The following CSMD1 variants were observed in gnomAD, a reference collection of about 807,000 sequenced individuals.
The protein encoded by CSMD1 is CUB and sushi domain-containing protein 1.
CSMD1 carries 213 observed loss-of-function variants against 417.5 expected under a neutral mutation model. The observed-to-expected ratio is 0.51, with a 90% CI of 0.46 to 0.57. The LOEUF is 0.57. Among genes scored for constraint, CSMD1 ranks in the 20% least tolerant of loss-of-function variants. The pLI, the probability that CSMD1 is intolerant of heterozygous loss-of-function variation, is 0.00. For missense variants in CSMD1, 6,923 were observed against 4,529.7 expected, an observed-to-expected ratio of 1.53 and a Z score of -15.17; for synonymous variants, 2,862 against 1,736.8, an observed-to-expected ratio of 1.65 and a Z score of -16.11.
At chr8:3,569,490 G>C (rs953431224) in intron 10 of CSMD1, among the ~76,000 whole-genome samples, 1 of 152,116 alleles carries the variant, frequency 6.6e-6, no homozygotes, top group Non-Finnish European at 1.5e-5. Flanking sequence ...GAGAATTGGC[G>C]TCGGAAACTG....
At position 3,934,466 on chromosome 8, in the gene CSMD1, G is replaced by C. The variant is rs1810352263; in HGVS notation, c.818+63437C>G. Reference sequence around the variant, plus strand: ...CTCATAATTTTCAAAGTAAATGAATGTCTTTTTTTCTGAAGTATTTTTAAT... The same window carrying C: ...CTCATAATTTTCAAAGTAAATGAATCTCTTTTTTTCTGAAGTATTTTTAAT... On this transcript the variant is annotated intron_variant, in intron 5 of 69. Coordinates refer to ENST00000635120, the MANE Select transcript of CSMD1 (RefSeq NM_033225.6). Among the ~76,000 whole-genome samples, 3 of 152,214 alleles carry C rather than the reference G, an allele frequency of 2.0e-5. No homozygotes were observed. In the South Asian group the frequency reaches 6.2e-4, roughly 32 times the overall value.
intron 1 of CSMD1, among the ~76,000 whole-genome samples, chr8:4,874,342 A>G (rs966766865): frequency 6.6e-6 from 1 of 151,916 alleles, no homozygotes; most frequent in Admixed American, 6.6e-5. Flanking sequence ...ATTAATACAT[A>G]AATGAAAAGA....
intron 1 of CSMD1, among the ~76,000 whole-genome samples, chr8:4,880,644 G>T (rs993181915): frequency 1.3e-5 from 2 of 151,974 alleles, no homozygotes; most frequent in African/African-American, 2.4e-5. Flanking sequence ...GAAGCGTCCC[G>T]ATGAAGCAAT....
intron 3 of CSMD1, among the ~76,000 whole-genome samples, chr8:4,108,321 T>C (rs563824560): frequency 3.1e-4 from 47 of 152,232 alleles, no homozygotes; most frequent in Middle Eastern, 3.4e-3. Context: ...ATTGTAAAAA[T>C]TGGGTGTTGT....
chr8:4,472,874 A>G (rs1800613952), intron 2 of CSMD1, among the ~76,000 whole-genome samples: 1 of 151,980 alleles, frequency 6.6e-6, no homozygotes, highest in Admixed American at 6.6e-5. Flanking sequence ...ATAGTTATTC[A>G]CTTTTAGAAA....
intron 4 of CSMD1, among the ~76,000 whole-genome samples, chr8:4,025,518 C>T (rs1464899404): frequency 6.6e-6 from 1 of 152,166 alleles, no homozygotes; most frequent in Non-Finnish European, 1.5e-5. Context: ...TTCATTGAAA[C>T]TATCTAGCTG....
intron 5 of CSMD1, among the ~76,000 whole-genome samples, chr8:3,938,270 G>C (rs368795314): frequency 6.6e-6 from 1 of 152,038 alleles, no homozygotes; most frequent in Non-Finnish European, 1.5e-5. Flanking sequence ...TAAATCTACA[G>C]AGCACAAGGG....
At chr8:3,630,726 TG>T (rs112532929) in intron 7 of CSMD1, among the ~76,000 whole-genome samples, 3,359 of 138,076 alleles carry the variant, frequency 0.024, 127 homozygotes, top group African/African-American at 0.083. Flanking sequence ...GAAATGGAGT[TG>T]CCTCTCTGAA....
At chr8:3,824,506 G>A (rs1179231711) in intron 5 of CSMD1, among the ~76,000 whole-genome samples, 1 of 152,192 alleles carries the variant, frequency 6.6e-6, no homozygotes, top group African/African-American at 2.4e-5. Flanking sequence ...GCCATAAGCA[G>A]CCACGACACA....
At chr8:3,854,317 C>A (rs1254842102) in intron 5 of CSMD1, among the ~76,000 whole-genome samples, 1 of 151,572 alleles carries the variant, frequency 6.6e-6, no homozygotes, top group Admixed American at 6.6e-5. Flanking sequence ...GTGCACTGCC[C>A]TTTTTATTTT....
chr8:3,805,473 C>T (rs1362340351), intron 5 of CSMD1, among the ~76,000 whole-genome samples: 2 of 152,214 alleles, frequency 1.3e-5, no homozygotes, highest in African/African-American at 2.4e-5. Context: ...CTCTTTCTGA[C>T]CTCCACTCTG....
At chr8:3,925,195 G>A (rs929291236) in intron 5 of CSMD1, among the ~76,000 whole-genome samples, 3 of 152,162 alleles carry the variant, frequency 2.0e-5, no homozygotes, top group Non-Finnish European at 2.9e-5. Context: ...AAATGTGTGT[G>A]TTTTCAATTT....
chr8:4,391,344 T>A (rs1803838281), intron 3 of CSMD1, among the ~76,000 whole-genome samples: 1 of 152,210 alleles, frequency 6.6e-6, no homozygotes, highest in Non-Finnish European at 1.5e-5. Flanking sequence ...TTGACTGAGC[T>A]GAGCTATGGA....
chr8:4,714,076 C>A (rs1397086363), intron 1 of CSMD1, among the ~76,000 whole-genome samples: 1 of 151,946 alleles, frequency 6.6e-6, no homozygotes, highest in South Asian at 2.1e-4. Context: ...ACCCGGGAGA[C>A]AGAGGTTGCA....
At chr8:3,170,300 C>T (rs1315967269) in intron 37 of CSMD1, among the ~76,000 whole-genome samples, 11 of 152,144 alleles carry the variant, frequency 7.2e-5, no homozygotes, top group South Asian at 4.1e-4. Flanking sequence ...CTCCGCCTCC[C>T]GGGTTCACAC....
In CSMD1 at chr8:3,288,848, T is replaced by A; in HGVS notation, c.3951-4502A>T. On this transcript the variant is annotated intron_variant, in intron 25 of 69. Coordinates refer to ENST00000635120, the MANE Select transcript of CSMD1 (RefSeq NM_033225.6). ...TTTATTTTATTTTATTATTATACTT[T>A]AAGTTTTAGGGTACATGTGCACAAC... Among the ~76,000 whole-genome samples, 2 of 147,250 alleles carry A rather than the reference T, an allele frequency of 1.4e-5. 1 individual carries two copies. Among genetic ancestry groups the A allele is most frequent in the African/African-American group, 5.4e-5 (2 of 37,032 alleles).
At chr8:3,766,062 C>T (rs1019212226) in intron 5 of CSMD1, among the ~76,000 whole-genome samples, 2 of 152,180 alleles carry the variant, frequency 1.3e-5, no homozygotes, top group African/African-American at 4.8e-5. Context: ...CAGGGAATTG[C>T]TCAGAACTCA....
rs768738523 is a variant in CSMD1 at position 2,974,508 on chromosome 8, C to T, written c.8683G>A (p.Asp2895Asn). ...CTGTCTTCCTGGCACACTCTCGTGT[C>T]GTTGCCTATGAGGCTCTCGCTCCCT... ...CRGSESLIGN[D>N]TRVCQEDSHW... The change falls in exon 56 of 70, where the codon GAC (aspartate) becomes AAC (asparagine). Residue 2895 changes from aspartate (D) to asparagine (N), a missense_variant. By Grantham distance (23) the Asp-to-Asn change is conservative. Transcript: ENST00000635120. The T allele has an allele frequency of 1.4e-5, 22 of 1,613,614 alleles. 1 individual carries two copies. The East Asian group carries it at 2.7e-4, about 20-fold the overall frequency.
chr8:4,469,735 G>A (rs1019500953), intron 2 of CSMD1, among the ~76,000 whole-genome samples: 1 of 152,046 alleles, frequency 6.6e-6, no homozygotes, highest in African/African-American at 2.4e-5. Flanking sequence ...CTACATCTCT[G>A]CACAGGAGGC....
Sources: allele counts gnomAD v4.1 joint callset (sites outside exome capture counted in the v4.1 genomes callset), GRCh38; gene constraint gnomAD v4.1.1; transcripts MANE v1.5; gene names NCBI Gene and HGNC (gene_info 2026-07-23, HGNC 2026-07-21).